COTL1: variants seen among roughly 807,000 people sequenced by gnomAD.
COTL1 encodes coactosin like F-actin binding protein 1, also known as coactosin-like protein.
Under a neutral mutation model 16.5 loss-of-function variants are expected in COTL1, and 15 were observed. That is an observed-to-expected ratio of 0.91 (90% confidence interval 0.61 to 1.40). The LOEUF (loss-of-function observed/expected upper bound fraction) is 1.40, where lower values mean the gene tolerates loss of function less well. Ranked by LOEUF, COTL1 falls within the 40% of genes most tolerant of loss-of-function variation. COTL1 has a pLI of 0.00. For missense variants in COTL1, 220 were observed against 201.5 expected, an observed-to-expected ratio of 1.09 and a Z score of -0.56; for synonymous variants, 112 against 85.3, an observed-to-expected ratio of 1.31 and a Z score of -1.73.
At chr16:84,617,783 G>T (rs1401175716) in intron 1 of COTL1, 55 bp downstream of exon 1, 3 of 1,503,246 alleles carry the variant, frequency 2.0e-6, no homozygotes, top group East Asian at 2.5e-5. Context: ...CTCGGTGCAC[G>T]AGGCCCCGCG....
chr16:84,582,702 T>A (rs970320870), intron 3 of COTL1, among the ~76,000 whole-genome samples: 8 of 152,208 alleles, frequency 5.3e-5, no homozygotes, highest in African/African-American at 1.7e-4. Context: ...TCACCAGGCA[T>A]CAAAATGGAG....
chr16:84,570,147 G>T (rs552553727), intron 3 of COTL1, among the ~76,000 whole-genome samples: 1 of 152,104 alleles, frequency 6.6e-6, no homozygotes, highest in Non-Finnish European at 1.5e-5. Flanking sequence ...GTAGTGGCGC[G>T]AGCCTGTAAT....
chr16:84,582,590 T>C (rs1037258031), intron 3 of COTL1, among the ~76,000 whole-genome samples: 2 of 152,238 alleles, frequency 1.3e-5, no homozygotes, highest in Non-Finnish European at 2.9e-5. Context: ...TTAATTATAA[T>C]ACTATCTAGA....
chr16:84,617,713 C>T (rs1166620634), intron 1 of COTL1, 125 bp downstream of exon 1: 21 of 1,378,886 alleles, frequency 1.5e-5, no homozygotes, highest in Non-Finnish European at 2.0e-5. Context: ...GGCACGCCGT[C>T]CCGGAATAAG....
chr16:84,617,707 C>T, intron 1 of COTL1, 124 bp from the exon 2 acceptor site: 2 of 1,374,596 alleles, frequency 1.5e-6, no homozygotes, highest in African/African-American at 1.4e-5. Flanking sequence ...GGGCCTGGCA[C>T]GCCGTCCCGG....
chr16:84,591,946 C>T (rs796903583), intron 2 of COTL1, among the ~76,000 whole-genome samples: 22 of 150,966 alleles, frequency 1.5e-4, no homozygotes, highest in African/African-American at 5.1e-4. Flanking sequence ...TGCATGTGTA[C>T]CCCACTAGGA....
At chr16:84,573,841 TTG>T (rs1030086133) in intron 3 of COTL1, among the ~76,000 whole-genome samples, 4 of 151,618 alleles carry the variant, frequency 2.6e-5, no homozygotes, top group African/African-American at 9.7e-5. Flanking sequence ...TCTATGTAAA[TTG>T]TGTTTCAGCT....
intron 2 of COTL1, among the ~76,000 whole-genome samples, chr16:84,605,260 T>C (rs1006620122): frequency 6.6e-6 from 1 of 151,476 alleles, no homozygotes; most frequent in African/African-American, 2.4e-5. Flanking sequence ...GTGTCAGGAG[T>C]GGGGGCGAGA....
At chr16:84,598,313 G>A (rs1905046542) in intron 2 of COTL1, among the ~76,000 whole-genome samples, 1 of 152,176 alleles carries the variant, frequency 6.6e-6, no homozygotes, top group African/African-American at 2.4e-5. Flanking sequence ...TGGAGCTTTG[G>A]CTCCTGCAAA....
At position 84,566,873 on chromosome 16, in the gene COTL1, C is replaced by A. The variant is rs751300532; in HGVS notation, c.401G>T (p.Gly134Val). The change falls in exon 4 of 4, where the codon GGA (glycine) becomes GTA (valine). Residue 134 changes from glycine (G) to valine (V), a missense_variant. Coordinates refer to ENST00000262428, the MANE Select transcript of COTL1 (RefSeq NM_021149.5). ...FIKSELKKAGGANYDAQTE is the reference protein window; with the variant it reads ...FIKSELKKAGVANYDAQTE ...CTCCGTCTGGGCGTCGTAATTGGCT[C>A]CCCCCGCCTTCTTCAGCTCGCTCTT... is the stretch of plus-strand genomic sequence containing the variant. 6.2e-7 allele frequency: 1 copy of A among 1,612,682 alleles called. No homozygotes were observed. The highest frequency in any genetic ancestry group is 1.1e-5 in the South Asian group (1 of 91,012).
At chr16:84,616,531 A>ATAAATAAATAAATAAATAAATAAG (rs1567542537) in intron 2 of COTL1, 2 of 151,802 alleles carry the variant, frequency 1.3e-5, no homozygotes, top group African/African-American at 4.8e-5. Context: ...AAATAAATAA[A>ATAAATAAATAAATAAATAAATAAG]TAAGTAACCC....
At chr16:84,597,819 A>G (rs1328248236) in intron 2 of COTL1, among the ~76,000 whole-genome samples, 3 of 152,116 alleles carry the variant, frequency 2.0e-5, no homozygotes, top group African/African-American at 7.2e-5. Context: ...GAGCACGCCC[A>G]TCAAAGACCA....
intron 2 of COTL1, among the ~76,000 whole-genome samples, chr16:84,605,557 T>C (rs1269335544): frequency 6.6e-6 from 1 of 152,134 alleles, no homozygotes; most frequent in Admixed American, 6.5e-5. Context: ...ATCACTGCAG[T>C]CCTTAAATGG....
At chr16:84,600,767 A>G (rs1410717332) in intron 2 of COTL1, among the ~76,000 whole-genome samples, 1 of 152,206 alleles carries the variant, frequency 6.6e-6, no homozygotes, top group Admixed American at 6.5e-5. Context: ...ACTAGGTGTG[A>G]ATGACCCAGC....
rs189290316 is a variant in COTL1, at chr16:84,579,603, C to T, written c.318+10502G>A. On this transcript the variant is annotated intron_variant, in intron 3 of 3. Transcript: ENST00000262428. Reference sequence around the variant, plus strand: ...GGGCTCCACGGGAAGGGGCAGACCCCTCTGTGTGAGGTGGGGGGTAGTGGC... The same window carrying T: ...GGGCTCCACGGGAAGGGGCAGACCCTTCTGTGTGAGGTGGGGGGTAGTGGC... Among the ~76,000 whole-genome samples, 264 of 152,316 alleles carry T rather than the reference C, an allele frequency of 1.7e-3. 1 individual carries two copies. Among genetic ancestry groups the T allele is most frequent in the Middle Eastern group, 6.8e-3 (2 of 294 alleles).
Position 84,590,024 on chromosome 16 carries a change from G to T in COTL1, c.318+81C>A. On this transcript the variant is annotated intron_variant, in intron 3 of 3. Coordinates refer to ENST00000262428, the MANE Select transcript of COTL1 (RefSeq NM_021149.5). This position sits in a 1 kb window ranked among gnomAD's most constrained non-coding sequence, Gnocchi z 5.5. ...TCACAGCTAAGCTACAGACCCAGGA[G>T]TCGAACCCAGCCCTCTCCCTCCTTG... The T allele has an allele frequency of 6.9e-7, 1 of 1,449,536 alleles. No homozygotes were observed. The highest frequency in any genetic ancestry group is 9.5e-7 in the Non-Finnish European group (1 of 1,058,072). The allele number at this position is 1,449,536 out of a possible 1,614,324, so 89.8% of individuals were successfully genotyped here. A position where few individuals can be genotyped will look rare whatever the true frequency, so the allele number is the denominator to read the frequency against.
chr16:84,595,407 C>T (rs1000873771), intron 2 of COTL1: 3 of 152,246 alleles, frequency 2.0e-5, no homozygotes, highest in African/African-American at 7.2e-5. Flanking sequence ...GTCTGCGCAC[C>T]GTTTTTGCAG....
At chr16:84,586,084 C>T (rs112771334) in intron 3 of COTL1, among the ~76,000 whole-genome samples, 1 of 152,192 alleles carries the variant, frequency 6.6e-6, no homozygotes, top group African/African-American at 2.4e-5. Context: ...GGAAAGAGGC[C>T]TCTCTCTTCT....
intron 2 of COTL1, among the ~76,000 whole-genome samples, chr16:84,591,430 C>T (rs1403312486): frequency 6.6e-6 from 1 of 151,536 alleles, no homozygotes; most frequent in Admixed American, 6.6e-5. Flanking sequence ...GTATTCCACC[C>T]GCCTCAGCCT....
Sources: gnomAD v4.1 joint callset for allele counts (sites outside exome capture counted in the v4.1 genomes callset) on GRCh38, gnomAD v4.1.1 for gene constraint, Gnocchi (gnomAD v3.1) non-coding constraint, MANE v1.5 for transcripts, NCBI Gene and HGNC (gene_info 2026-07-23, HGNC 2026-07-21) for gene names.